The following CAV1 variants were observed in gnomAD, a reference collection of about 807,000 sequenced individuals.
CAV1 encodes the protein caveolin-1.
A neutral mutation model predicts 16.5 loss-of-function variants in CAV1; 10 were observed. The ratio of observed to expected loss-of-function variants is 0.61; its 90% CI spans 0.37 to 1.03. The LOEUF (loss-of-function observed/expected upper bound fraction) is 1.03. Among genes scored for constraint, CAV1 ranks in the 50% least tolerant of loss-of-function variants. The pLI is 0.01. For synonymous variants in CAV1, 76 were observed against 85.1 expected (o/e 0.89, Z 0.59); for missense variants, 212 against 232.8 (o/e 0.91, Z 0.58).
chr7:116,550,781 G>A (rs1382998789), intron 2 of CAV1, among the ~76,000 whole-genome samples: 1 of 152,102 alleles, frequency 6.6e-6, no homozygotes, highest in Non-Finnish European at 1.5e-5. Context: ...TTTAAAAAAA[G>A]CGTTTACATA....
At chr7:116,548,622 G>C (rs1017549626) in intron 2 of CAV1, among the ~76,000 whole-genome samples, 2 of 152,196 alleles carry the variant, frequency 1.3e-5, no homozygotes, top group African/African-American at 2.4e-5. Context: ...ATGTGTTTCT[G>C]TTTGAATGAG....
chr7:116,539,160 G>A (rs1171158067), intron 2 of CAV1, among the ~76,000 whole-genome samples: 2 of 152,094 alleles, frequency 1.3e-5, no homozygotes, highest in African/African-American at 2.4e-5. Context: ...GCTTGCCTCT[G>A]ACATCTGGAC....
intron 2 of CAV1, among the ~76,000 whole-genome samples, chr7:116,530,724 A>C (rs1793671545): frequency 6.6e-6 from 1 of 152,208 alleles, no homozygotes; most frequent in Non-Finnish European, 1.5e-5. Context: ...TTGAGATTTC[A>C]TGTGGCAGAG....
At chr7:116,555,448 AAAGGAAGG>A (rs113043378) in intron 2 of CAV1, among the ~76,000 whole-genome samples, 1,443 of 37,364 alleles carry the variant, frequency 0.039, 227 homozygotes, top group African/African-American at 0.12. Context: ...CCAAAAAAAG[AAAGGAAGG>A]AAGGAAGGAA....
At chr7:116,530,743 G>A (rs994841635) in intron 2 of CAV1, among the ~76,000 whole-genome samples, 11 of 151,964 alleles carry the variant, frequency 7.2e-5, no homozygotes, top group African/African-American at 2.7e-4. Flanking sequence ...AGTGGTAGGT[G>A]ATAAAGGTGA....
intron 2 of CAV1, among the ~76,000 whole-genome samples, chr7:116,537,324 G>A (rs921326364): frequency 2.0e-5 from 3 of 152,038 alleles, no homozygotes; most frequent in African/African-American, 7.2e-5. Flanking sequence ...GTGCAATGGG[G>A]CAAATCAAGG....
intron 2 of CAV1, among the ~76,000 whole-genome samples, chr7:116,528,080 C>T (rs1793605498): frequency 6.6e-6 from 1 of 150,856 alleles, no homozygotes; most frequent in Admixed American, 6.6e-5. Flanking sequence ...TGTTTTCCCC[C>T]ACCCCCACCC....
rs1794247675 is a variant in CAV1 at position 116,555,486 on chromosome 7, A to AGG, written c.196-3460_196-3459insGG. On this transcript the variant is annotated intron_variant, in intron 2 of 2. Transcript: ENST00000341049. The stretch of plus-strand genomic sequence containing the variant: ...AAGGAAGGAAGGAAGGAGGAAAGAA[A>AGG]AGAAAGAAAGAAAGAAAGAAAGAAA... Among the ~76,000 whole-genome samples the AGG allele has an allele frequency of 4.8e-4, 2 of 4,180 alleles. 1 individual carries two copies. The highest frequency in any genetic ancestry group is 9.1e-4 in the Non-Finnish European group (2 of 2,204). The allele number at this position is 4,180 out of a possible 152,430, so 2.7% of individuals were successfully genotyped here.
At chr7:116,543,329 A>G (rs1793976651) in intron 2 of CAV1, among the ~76,000 whole-genome samples, 1 of 152,228 alleles carries the variant, frequency 6.6e-6, no homozygotes, top group Non-Finnish European at 1.5e-5. Flanking sequence ...CCTAGGTTTT[A>G]CCAGTCAACA....
At chr7:116,545,746 T>G (rs898931388) in intron 2 of CAV1, among the ~76,000 whole-genome samples, 1 of 152,132 alleles carries the variant, frequency 6.6e-6, no homozygotes, top group South Asian at 2.1e-4. Flanking sequence ...AGACTGAAAA[T>G]GATGAAGACA....
chr7:116,532,409 G>C (rs901951324), intron 2 of CAV1, among the ~76,000 whole-genome samples: 37 of 152,306 alleles, frequency 2.4e-4, no homozygotes, highest in Admixed American at 2.3e-3. Context: ...TCTCTAAGAG[G>C]ACAGGGCTAT....
intron 2 of CAV1, among the ~76,000 whole-genome samples, chr7:116,537,187 C>T (rs1010411260): frequency 4.6e-5 from 7 of 152,140 alleles, no homozygotes; most frequent in Admixed American, 2.0e-4. Context: ...ATTTAAATAA[C>T]TTCTGAGGGT....
At chr7:116,544,824 C>A (rs763280684) in intron 2 of CAV1, among the ~76,000 whole-genome samples, 1 of 152,180 alleles carries the variant, frequency 6.6e-6, no homozygotes, top group Non-Finnish European at 1.5e-5. Context: ...GGAAATCACC[C>A]TTCCTTGGTA....
chr7:116,526,802 GCGCACA>G, intron 2 of CAV1, 113 bp downstream of exon 2: 1 of 1,178,340 alleles, frequency 8.5e-7, no homozygotes, highest in Non-Finnish European at 1.2e-6. Flanking sequence ...CCCCCTACAC[GCGCACA>G]CACACACACA....
intron 2 of CAV1, among the ~76,000 whole-genome samples, chr7:116,533,348 TAAATAA>T (rs1467284642): frequency 0.043 from 5,867 of 137,660 alleles, 331 homozygotes; most frequent in Admixed American, 0.1. Context: ...AAAAATAAAA[TAAATAA>T]AATAAAATAA....
chr7:116,534,653 GC>G (rs1793771178), intron 2 of CAV1, among the ~76,000 whole-genome samples: 1 of 151,412 alleles, frequency 6.6e-6, no homozygotes, highest in Non-Finnish European at 1.5e-5. Flanking sequence ...GCTCGCCTCG[GC>G]CTCTCAAAGT....
intron 2 of CAV1, among the ~76,000 whole-genome samples, chr7:116,542,430 A>G (rs575345984): frequency 6.6e-6 from 1 of 152,282 alleles, no homozygotes; most frequent in South Asian, 2.1e-4. Context: ...TAAGGCTCTC[A>G]GGTGCTGCTA....
At chr7:116,543,431 C>T (rs1301454391) in intron 2 of CAV1, among the ~76,000 whole-genome samples, 2 of 152,136 alleles carry the variant, frequency 1.3e-5, no homozygotes, top group African/African-American at 4.8e-5. Context: ...TGCAAAAGGA[C>T]CACAAATAAA....
rs1488987989 is a variant in CAV1 at position 116,555,594 on chromosome 7, AAGAAAGAAAG to A, written c.196-3340_196-3331del. On this transcript the variant is annotated intron_variant, in intron 2 of 2. Transcript: ENST00000341049. ...AAAGAAAGAAAGAAAGAAAGAAAGA[AAGAAAGAAAG>A]AGAAAGAAAGAAAGAAGGGAGGGAG... 9.6e-3 allele frequency among the ~76,000 whole-genome samples: 980 copies of A among 101,882 alleles called. 48 individuals carry two copies. Among genetic ancestry groups the A allele is most frequent in the African/African-American group, 0.017 (464 of 26,986 alleles). The allele number at this position is 101,882 out of a possible 152,430, so 66.8% of individuals were successfully genotyped here.
Sources: allele counts gnomAD v4.1 joint callset (sites outside exome capture counted in the v4.1 genomes callset), GRCh38; gene constraint gnomAD v4.1.1; transcripts MANE v1.5; gene names NCBI Gene and HGNC (gene_info 2026-07-23, HGNC 2026-07-21).